METAP1: variants seen among roughly 807,000 people sequenced by gnomAD.
METAP1 encodes methionine aminopeptidase 1.
METAP1 carries 28 observed loss-of-function variants against 53.8 expected under a neutral mutation model. The observed-to-expected ratio is 0.52, with a 90% CI of 0.39 to 0.71. METAP1 has a LOEUF of 0.71. Ranked by LOEUF, METAP1 falls within the 30% of genes least tolerant of loss-of-function variation. The probability of loss-of-function intolerance (pLI) is 0.00; values close to 1 mark genes in which losing one functional copy is unlikely to be tolerated. For synonymous variants in METAP1, 181 were observed against 165.7 expected, an observed-to-expected ratio of 1.09 and a Z score of -0.71; for missense variants, 389 against 479.8, an observed-to-expected ratio of 0.81 and a Z score of 1.77.
intron 1 of METAP1, 68 bp downstream of exon 1, chr4:98,995,935 TC>T: frequency 7.8e-7 from 1 of 1,280,422 alleles, no homozygotes; most frequent in Non-Finnish European, 1.1e-6. Context: ...CCCTGCTGGC[TC>T]CTCCCGCCCT....
intron 5 of METAP1, among the ~76,000 whole-genome samples, chr4:99,040,740 C>T (rs1448545996): frequency 1.3e-5 from 2 of 150,324 alleles, no homozygotes; most frequent in Admixed American, 6.6e-5. Flanking sequence ...CTCTACTTTT[C>T]CCCATTATAG....
chr4:99,026,323 A>C, intron 1 of METAP1: 1 of 985,402 alleles, frequency 1.0e-6, no homozygotes, highest in South Asian at 4.7e-5. Flanking sequence ...TAAGTGGAGA[A>C]TAAAGTAGTA....
chr4:99,016,672 A>T (rs571250832), intron 1 of METAP1, among the ~76,000 whole-genome samples: 4 of 152,242 alleles, frequency 2.6e-5, no homozygotes, highest in African/African-American at 9.6e-5. Flanking sequence ...ATTTCAATAT[A>T]ATCAACTTGA....
intron 1 of METAP1, among the ~76,000 whole-genome samples, chr4:99,019,392 C>T (rs1454069705): frequency 1.3e-5 from 2 of 152,182 alleles, no homozygotes; most frequent in Non-Finnish European, 2.9e-5. Context: ...GGAATTTCCT[C>T]TGTGGCCTTT....
intron 8 of METAP1, among the ~76,000 whole-genome samples, chr4:99,047,945 A>G (rs1194467243): frequency 6.6e-6 from 1 of 152,196 alleles, no homozygotes; most frequent in African/African-American, 2.4e-5. Context: ...AAAGTTTGAG[A>G]ACTATTTTTA....
intron 2 of METAP1, among the ~76,000 whole-genome samples, chr4:99,029,625 G>T (rs1459194356): frequency 6.6e-6 from 1 of 152,076 alleles, no homozygotes; most frequent in Non-Finnish European, 1.5e-5. Context: ...ATCAAAGCTT[G>T]ATTTAATTTG....
chr4:99,026,807 C>G, intron 1 of METAP1: 1 of 985,314 alleles, frequency 1.0e-6, no homozygotes, highest in Non-Finnish European at 1.2e-6. Flanking sequence ...ATGTTGAAGA[C>G]CATGACTTGG....
chr4:99,061,044 A>G, intron 10 of METAP1, 110 bp from the exon 11 acceptor site: 3 of 1,141,024 alleles, frequency 2.6e-6, no homozygotes, highest in Non-Finnish European at 3.7e-6. Context: ...AGCTAAAACA[A>G]TTGGCATGTA....
intron 1 of METAP1, among the ~76,000 whole-genome samples, chr4:99,012,652 GTT>G (rs78437310): frequency 0.023 from 2,070 of 90,270 alleles, 51 homozygotes; most frequent in African/African-American, 0.072. Flanking sequence ...ATCCCATAAA[GTT>G]TTTTTTTTTT....
At chr4:99,011,193 T>A (rs1275124269) in intron 1 of METAP1, among the ~76,000 whole-genome samples, 1 of 152,218 alleles carries the variant, frequency 6.6e-6, no homozygotes, top group Non-Finnish European at 1.5e-5. Context: ...TCCAATACAA[T>A]GTTGAATAGA....
chr4:99,023,196 A>G (rs1724274861), intron 1 of METAP1: 1 of 518,594 alleles, frequency 1.9e-6, no homozygotes. Flanking sequence ...ATTCATTTGC[A>G]TGGTTAAATC....
chr4:99,000,571 T>G (rs1411246684), intron 1 of METAP1, among the ~76,000 whole-genome samples: 1 of 152,186 alleles, frequency 6.6e-6, no homozygotes, highest in East Asian at 1.9e-4. Flanking sequence ...TGTTACTTGT[T>G]TATGAACATT....
chr4:99,050,683 G>GA (rs1434421129), intron 9 of METAP1, among the ~76,000 whole-genome samples: 1 of 152,200 alleles, frequency 6.6e-6, no homozygotes, highest in Non-Finnish European at 1.5e-5. Context: ...AGTGGCATTA[G>GA]ATTCTCATAG....
chr4:99,032,206 A>T (rs553486071), intron 2 of METAP1, among the ~76,000 whole-genome samples: 87 of 146,184 alleles, frequency 6.0e-4, no homozygotes, highest in Admixed American at 1.8e-3. Context: ...TTTGCTTTAC[A>T]TTCGTTTTTT....
At chr4:98,999,849 G>T (rs1722840072) in intron 1 of METAP1, among the ~76,000 whole-genome samples, 1 of 152,016 alleles carries the variant, frequency 6.6e-6, no homozygotes. Context: ...GTTCTTTAGA[G>T]GAGTACAACC....
At chr4:99,029,548 A>T (rs1340170452) in intron 2 of METAP1, among the ~76,000 whole-genome samples, 1 of 152,164 alleles carries the variant, frequency 6.6e-6, no homozygotes, top group Non-Finnish European at 1.5e-5. Context: ...GGTTTAAGAC[A>T]ACCTGTCACA....
chr4:99,020,958 C>A (rs72908985), intron 1 of METAP1, among the ~76,000 whole-genome samples: 3,274 of 152,272 alleles, frequency 0.022, 98 homozygotes, highest in African/African-American at 0.073. Context: ...GGCCTTGTTT[C>A]CAGTTGCAGG....
Position 99,061,064 on chromosome 4 carries a change from C to G in METAP1, c.998-90C>G, listed in dbSNP as rs955979158. The G allele has an allele frequency of 8.9e-6, 12 of 1,350,814 alleles. No homozygotes were observed. The African/African-American group carries it at 1.0e-4, about 11-fold the overall frequency. 83.7% of individuals were successfully genotyped at this position (1,350,814 alleles called of 1,614,324 possible). On this transcript the variant is annotated intron_variant, in intron 10 of 10. Coordinates refer to ENST00000296411, the MANE Select transcript of METAP1 (RefSeq NM_015143.3). The stretch of plus-strand genomic sequence containing the variant: ...AAACAATTGGCATGTAAATAAGGAT[C>G]TTAGTAGTGAATTTTTTCCTTGGCT...
intron 1 of METAP1, chr4:99,023,164 A>G: frequency 3.2e-6 from 2 of 634,644 alleles, no homozygotes; most frequent in Admixed American, 6.5e-5. Context: ...ACCTAATTTC[A>G]TTACTTCTAA....
Sources: allele counts gnomAD v4.1 joint callset (sites outside exome capture counted in the v4.1 genomes callset), GRCh38; gene constraint gnomAD v4.1.1; transcripts MANE v1.5; gene names NCBI Gene and HGNC (gene_info 2026-07-23, HGNC 2026-07-21).